Variants in SLCO6A1 observed in about 807,000 individuals in gnomAD.
SLCO6A1 encodes the protein solute carrier organic anion transporter family member 6A1.
A neutral mutation model predicts 72.7 loss-of-function variants in SLCO6A1; 65 were observed. That is an observed-to-expected ratio of 0.89 (90% CI 0.73 to 1.10). The LOEUF is 1.10. Among genes scored for constraint, SLCO6A1 ranks in the 50% least tolerant of loss-of-function variants. SLCO6A1 has a pLI of 0.00. For synonymous variants in SLCO6A1, 314 were observed against 298.2 expected (o/e 1.05, Z -0.55); for missense variants, 874 against 872.6 (o/e 1.00, Z -0.02).
rs1751980197 is a variant in SLCO6A1 at position 102,477,745 on chromosome 5, G to A, written c.733C>T (p.Pro245Ser). The A allele has an allele frequency of 6.2e-6, 10 of 1,613,714 alleles. No homozygotes were observed. Among genetic ancestry groups the A allele is most frequent in the Non-Finnish European group, 8.5e-6 (10 of 1,179,808 alleles). ...GQTVQGIAGM[P>S]LYILGITFID... ...AAGGTTATTCCAAGGATATAAAGAGGCATTCCTGCTATTCCCTGCACAGTC... is the reference window on the plus strand; with the variant it reads ...AAGGTTATTCCAAGGATATAAAGAGACATTCCTGCTATTCCCTGCACAGTC... Residue 245 changes from proline to serine, a missense_variant, in exon 3 of 14, where the codon CCT becomes TCT. Coordinates refer to ENST00000506729, the MANE Select transcript of SLCO6A1 (RefSeq NM_173488.5).
At chr5:102,384,003 T>C (rs1396918170) in intron 12 of SLCO6A1, among the ~76,000 whole-genome samples, 1 of 151,890 alleles carries the variant, frequency 6.6e-6, no homozygotes, top group African/African-American at 2.4e-5. Flanking sequence ...TGATCCTTTT[T>C]ATTTCTGTTG....
intron 9 of SLCO6A1, among the ~76,000 whole-genome samples, chr5:102,403,804 G>C (rs936656306): frequency 6.6e-6 from 1 of 152,092 alleles, no homozygotes; most frequent in African/African-American, 2.4e-5. Flanking sequence ...GAAACAGGCA[G>C]TAATCTAGAT....
chr5:102,378,933 A>G (rs1157705076), intron 12 of SLCO6A1, among the ~76,000 whole-genome samples: 1 of 152,016 alleles, frequency 6.6e-6, no homozygotes. Flanking sequence ...GGTGCCCGCC[A>G]CTACGCCTAG....
intron 4 of SLCO6A1, among the ~76,000 whole-genome samples, chr5:102,471,761 T>G (rs1233741130): frequency 6.6e-6 from 1 of 151,916 alleles, no homozygotes; most frequent in Non-Finnish European, 1.5e-5. Context: ...TGGTAGAAAA[T>G]GTACAGTTAA....
chr5:102,473,408 C>A (rs1751730823), intron 4 of SLCO6A1, among the ~76,000 whole-genome samples: 2 of 151,928 alleles, frequency 1.3e-5, no homozygotes, highest in Non-Finnish European at 2.9e-5. Context: ...AAGCATCTGA[C>A]AAAATTCAAT....
chr5:102,428,261 T>C (rs1409294426), intron 7 of SLCO6A1, among the ~76,000 whole-genome samples: 1 of 151,636 alleles, frequency 6.6e-6, no homozygotes, highest in Non-Finnish European at 1.5e-5. Flanking sequence ...AATAAGAAGC[T>C]CCACAAAAAG....
At chr5:102,485,251 C>T (rs1752393881) in intron 1 of SLCO6A1, among the ~76,000 whole-genome samples, 1 of 134,588 alleles carries the variant, frequency 7.4e-6, no homozygotes, top group Admixed American at 8.0e-5. Flanking sequence ...AACTCCATCT[C>T]AAAAATAAAT....
intron 7 of SLCO6A1, among the ~76,000 whole-genome samples, chr5:102,434,154 T>C (rs1353246750): frequency 6.6e-6 from 1 of 152,130 alleles, no homozygotes; most frequent in Non-Finnish European, 1.5e-5. Context: ...AAGCACTGAC[T>C]GCTCTTTGTT....
intron 11 of SLCO6A1, 138 bp from the exon 12 acceptor site, chr5:102,388,963 A>G (rs1362887687): frequency 1.3e-6 from 1 of 763,088 alleles, no homozygotes; most frequent in African/African-American, 1.8e-5. Context: ...TAATTTATTT[A>G]TAAATAGGAT....
chr5:102,405,711 C>T (rs955230500), intron 9 of SLCO6A1, among the ~76,000 whole-genome samples: 3 of 152,022 alleles, frequency 2.0e-5, no homozygotes, highest in Admixed American at 2.0e-4. Flanking sequence ...AATGATGATG[C>T]TGAGCGAAAC....
chr5:102,474,507 T>C (rs1340735024), intron 4 of SLCO6A1, among the ~76,000 whole-genome samples: 1 of 152,060 alleles, frequency 6.6e-6, no homozygotes, highest in Non-Finnish European at 1.5e-5. Context: ...TTCATGCCAT[T>C]GGATTTGACA....
At chr5:102,386,453 T>C (rs1368637246) in intron 12 of SLCO6A1, among the ~76,000 whole-genome samples, 2 of 151,946 alleles carry the variant, frequency 1.3e-5, no homozygotes, top group Non-Finnish European at 2.9e-5. Flanking sequence ...TGCATTGGGG[T>C]CTACTGGAGT....
chr5:102,477,646 G>A (rs760104076), intron 3 of SLCO6A1, 30 bp downstream of exon 3: 29 of 1,578,872 alleles, frequency 1.8e-5, no homozygotes, highest in Middle Eastern at 1.7e-4. Flanking sequence ...CTCAAAATGG[G>A]TCAATCGTAA....
intron 7 of SLCO6A1, among the ~76,000 whole-genome samples, chr5:102,421,870 AGCTCCGGCTG>A (rs1748627199): frequency 6.6e-6 from 1 of 152,162 alleles, no homozygotes; most frequent in African/African-American, 2.4e-5. Flanking sequence ...CATACAGGAG[AGCTCCGGCTG>A]GCATTTGGCA....
chr5:102,403,131 G>A lies in SLCO6A1; in HGVS notation c.1627-3389C>T, dbSNP rs138609100. Among the ~76,000 whole-genome samples the A allele has an allele frequency of 1.6e-3, 239 of 152,252 alleles. 1 individual carries two copies. Among genetic ancestry groups the A allele is most frequent in the African/African-American group, 5.5e-3 (230 of 41,568 alleles). ...GATTACAGTTGCTGCTCTGCTGAGT[G>A]TGGAATATGATATACAATGATTATG... is the stretch of plus-strand genomic sequence containing the variant. On this transcript the variant is annotated intron_variant, in intron 9 of 13. Transcript: ENST00000506729.
At chr5:102,381,731 C>CT (rs57935092) in intron 12 of SLCO6A1, among the ~76,000 whole-genome samples, 3,385 of 134,302 alleles carry the variant, frequency 0.025, 124 homozygotes, top group African/African-American at 0.078. Flanking sequence ...CAATATTTAT[C>CT]TTTTTTTTTT....
chr5:102,418,215 T>C (rs1374571041), intron 8 of SLCO6A1, among the ~76,000 whole-genome samples: 10 of 152,078 alleles, frequency 6.6e-5, no homozygotes, highest in South Asian at 2.1e-4. Flanking sequence ...ATAAAGTATA[T>C]GTATATACAT....
At chr5:102,474,184 A>C (rs1223118553) in intron 4 of SLCO6A1, among the ~76,000 whole-genome samples, 2 of 152,074 alleles carry the variant, frequency 1.3e-5, no homozygotes, top group Non-Finnish European at 2.9e-5. Context: ...ATATATTGCA[A>C]AGCTACAGTC....
At chr5:102,491,943 GGGGAGGCCTCA>G (rs1426173147) in intron 1 of SLCO6A1, among the ~76,000 whole-genome samples, 1 of 152,270 alleles carries the variant, frequency 6.6e-6, no homozygotes, top group East Asian at 1.9e-4. Context: ...AAGCATGGCT[GGGGAGGCCTCA>G]GGGAGGCCTC....
Sources: allele counts gnomAD v4.1 joint callset (sites outside exome capture counted in the v4.1 genomes callset), GRCh38; gene constraint gnomAD v4.1.1; transcripts MANE v1.5; gene names NCBI Gene and HGNC (gene_info 2026-07-23, HGNC 2026-07-21).